CNTNAP2: variants seen among roughly 807,000 people sequenced by gnomAD.
CNTNAP2 encodes the protein contactin associated protein 2, also known as contactin-associated protein-like 2.
Under a neutral mutation model 155.2 loss-of-function variants are expected in CNTNAP2, and 98 were observed. The observed-to-expected ratio is 0.63, with a 90% confidence interval of 0.54 to 0.75. CNTNAP2 has a LOEUF of 0.75. Ranked by LOEUF, CNTNAP2 falls within the 30% of genes least tolerant of loss-of-function variation. The pLI is 0.00. For missense variants in CNTNAP2, 1,727 were observed against 1,688.1 expected (o/e 1.02, Z -0.40); for synonymous variants, 651 against 631.2 (o/e 1.03, Z -0.47).
At chr7:146,143,375 TTATTAA>T (rs1371161356) in intron 1 of CNTNAP2, among the ~76,000 whole-genome samples, 2 of 152,198 alleles carry the variant, frequency 1.3e-5, no homozygotes, top group Non-Finnish European at 2.9e-5. Flanking sequence ...AGATGTTAAG[TTATTAA>T]AATTTTAGTT....
At chr7:146,697,260 CAG>C (rs751406465) in intron 1 of CNTNAP2, among the ~76,000 whole-genome samples, 28 of 150,372 alleles carry the variant, frequency 1.9e-4, no homozygotes, top group Non-Finnish European at 3.4e-4. Context: ...TATTTTGAGA[CAG>C]GGTCTTGCTC....
chr7:147,396,572 G>C (rs541064100), intron 10 of CNTNAP2, among the ~76,000 whole-genome samples: 1 of 151,940 alleles, frequency 6.6e-6, no homozygotes, highest in African/African-American at 2.4e-5. Context: ...AACTTTAATT[G>C]TATTCTCACA....
At position 146,882,049 on chromosome 7, in the gene CNTNAP2, G is replaced by A. The variant is rs1056072132; in HGVS notation, c.402+42145G>A. 2.6e-5 allele frequency among the ~76,000 whole-genome samples: 4 copies of A among 151,994 alleles called. No individual in the cohort carries two copies. The South Asian group carries it at 8.3e-4, about 31-fold the overall frequency. The stretch of plus-strand genomic sequence containing the variant: ...CCCAATGTTTAGCTCCCACTTATAA[G>A]TGAAGATACGCAGTATTTGGTTTTC... On this transcript the variant is annotated intron_variant, in intron 3 of 23. Transcript: ENST00000361727.
intron 12 of CNTNAP2, among the ~76,000 whole-genome samples, chr7:147,585,039 CT>C: frequency 1.3e-5 from 2 of 152,288 alleles, no homozygotes; most frequent in Middle Eastern, 6.8e-3. Context: ...GTCTCTGAGT[CT>C]CTGTGTTGCC....
At chr7:146,179,109 C>A (rs1022544391) in intron 1 of CNTNAP2, among the ~76,000 whole-genome samples, 1 of 152,068 alleles carries the variant, frequency 6.6e-6, no homozygotes, top group South Asian at 2.1e-4. Context: ...CTGTGATCAC[C>A]TAGTGAACAT....
At chr7:146,458,874 C>T (rs762970808) in intron 1 of CNTNAP2, among the ~76,000 whole-genome samples, 1 of 152,102 alleles carries the variant, frequency 6.6e-6, no homozygotes, top group Non-Finnish European at 1.5e-5. Flanking sequence ...GACTTGCCAC[C>T]CTCGATGATT....
intron 1 of CNTNAP2, among the ~76,000 whole-genome samples, chr7:146,207,571 C>T (rs1183011239): frequency 6.7e-6 from 1 of 149,648 alleles, no homozygotes; most frequent in Non-Finnish European, 1.5e-5. Flanking sequence ...TCAATCATAA[C>T]AATGTGTTAG....
chr7:147,538,575 A>G (rs898116635), intron 11 of CNTNAP2, among the ~76,000 whole-genome samples: 1 of 152,096 alleles, frequency 6.6e-6, no homozygotes, highest in Admixed American at 6.6e-5. Context: ...GCTTGAGCCC[A>G]GGAGGTCAAG....
Position 146,199,640 on chromosome 7 carries a change from G to A in CNTNAP2, c.97+82667G>A, listed in dbSNP as rs573946339. 9.2e-5 allele frequency among the ~76,000 whole-genome samples: 14 copies of A among 152,144 alleles called. No individual in the cohort carries two copies. The South Asian group carries it at 1.7e-3, about 18-fold the overall frequency. ...TGTTTCAGCTGTAATAATTTACTGT[G>A]GCCATAAAAATAAATGTTCCATTTG... is the stretch of plus-strand genomic sequence containing the variant. On this transcript the variant is annotated intron_variant, in intron 1 of 23. Coordinates refer to ENST00000361727, the MANE Select transcript of CNTNAP2 (RefSeq NM_014141.6).
intron 16 of CNTNAP2, among the ~76,000 whole-genome samples, chr7:148,119,318 T>C (rs2116610451): frequency 6.6e-6 from 1 of 151,326 alleles, no homozygotes; most frequent in South Asian, 2.1e-4. Flanking sequence ...GGTCAGGAGT[T>C]CGAGACCATC....
At chr7:146,199,828 ATTGCT>A (rs1457335657) in intron 1 of CNTNAP2, among the ~76,000 whole-genome samples, 3 of 152,182 alleles carry the variant, frequency 2.0e-5, no homozygotes, top group African/African-American at 7.2e-5. Flanking sequence ...ACAACTTCTC[ATTGCT>A]TTTCTTTTCT....
At chr7:147,867,669 C>T (rs1210209626) in intron 13 of CNTNAP2, among the ~76,000 whole-genome samples, 2 of 152,074 alleles carry the variant, frequency 1.3e-5, no homozygotes, top group African/African-American at 4.8e-5. Flanking sequence ...TTTTCTCTAA[C>T]CTTGTCATCT....
At chr7:147,080,061 C>G (rs188244073) in intron 4 of CNTNAP2, among the ~76,000 whole-genome samples, 29 of 144,332 alleles carry the variant, frequency 2.0e-4, no homozygotes, top group African/African-American at 7.2e-4. Context: ...TTAGAACCCT[C>G]TAGCTTGAAA....
Position 146,201,921 on chromosome 7 carries a change from A to G in CNTNAP2, c.97+84948A>G, listed in dbSNP as rs1584799998. On this transcript the variant is annotated intron_variant, in intron 1 of 23. Transcript: ENST00000361727. ...TCTTTAGAGCAATTGTAGTAAGGTT[A>G]GTGATACAGCAACAACACAAAACAA... Among the ~76,000 whole-genome samples the G allele has an allele frequency of 1.3e-5, 2 of 152,242 alleles. 1 individual carries two copies. Among genetic ancestry groups the G allele is most frequent in the Middle Eastern group, 6.8e-3 (2 of 294 alleles).
chr7:147,470,517 G>T (rs1183006325), intron 10 of CNTNAP2, among the ~76,000 whole-genome samples: 1 of 151,950 alleles, frequency 6.6e-6, no homozygotes, highest in Non-Finnish European at 1.5e-5. Flanking sequence ...AGTAGAGATG[G>T]TAGCTATGAT....
chr7:148,184,342 T>C (rs1342525766), intron 18 of CNTNAP2, among the ~76,000 whole-genome samples: 2 of 152,252 alleles, frequency 1.3e-5, no homozygotes, highest in Non-Finnish European at 2.9e-5. Flanking sequence ...AGAGGTCTTC[T>C]AAAAACTTGC....
intron 4 of CNTNAP2, among the ~76,000 whole-genome samples, chr7:147,067,223 G>A (rs6962511): frequency 0.59 from 89,420 of 150,676 alleles, 27,934 homozygotes; most frequent in East Asian, 0.73. Flanking sequence ...CTCATGAGGC[G>A]GAAGTTGCAG....
intron 1 of CNTNAP2, among the ~76,000 whole-genome samples, chr7:146,344,273 AT>A (rs1794783923): frequency 6.6e-6 from 1 of 152,180 alleles, no homozygotes; most frequent in Non-Finnish European, 1.5e-5. Flanking sequence ...AGCATATTAT[AT>A]TTACCAAGGT....
At chr7:146,986,957 A>AT (rs373897490) in intron 3 of CNTNAP2, among the ~76,000 whole-genome samples, 20 of 152,256 alleles carry the variant, frequency 1.3e-4, no homozygotes, top group African/African-American at 4.8e-4. Context: ...GCAATTAGCA[A>AT]TTATTGTATA....
Sources: gnomAD v4.1 joint callset for allele counts (sites outside exome capture counted in the v4.1 genomes callset) on GRCh38, gnomAD v4.1.1 for gene constraint, MANE v1.5 for transcripts, NCBI Gene and HGNC (gene_info 2026-07-23, HGNC 2026-07-21) for gene names.